Variants in TRIM16 observed in about 807,000 individuals in gnomAD.
TRIM16 encodes tripartite motif containing 16, also known as tripartite motif-containing protein 16.
TRIM16 carries 33 observed loss-of-function variants against 50.4 expected under a neutral mutation model. The ratio of observed to expected loss-of-function variants is 0.65; its 90% CI spans 0.50 to 0.88. TRIM16 has a LOEUF of 0.88. TRIM16 is among the 40% of genes least tolerant of loss of function. TRIM16 has a pLI of 0.00. For missense variants in TRIM16, 581 were observed against 686.8 expected, an observed-to-expected ratio of 0.85 and a Z score of 1.72; for synonymous variants, 229 against 270.7, an observed-to-expected ratio of 0.85 and a Z score of 1.51.
At chr17:15,637,104 C>T (rs535118102) in intron 8 of TRIM16, among the ~76,000 whole-genome samples, 6,708 of 113,264 alleles carry the variant, frequency 0.059, 617 homozygotes, top group African/African-American at 0.2. Flanking sequence ...CCACCCCGTC[C>T]GGGAGGGAGG....
rs1176126584 is a variant in TRIM16, at chr17:15,629,094, G to T, written c.1216C>A (p.Pro406Thr). The change falls in exon 12 of 12, where the codon CCG (proline) becomes ACG (threonine). Residue 406 changes from proline (P) to threonine (T), a missense_variant. Around this residue, in one of 3 missense-constraint regions of TRIM16, gnomAD observed 450 missense variants for 544.3 expected, o/e 0.83. Transcript: ENST00000649191. ...TNTTPWEHPY[P>T]DLPSRFLHWR... Reference sequence around the variant, plus strand: ...TGCAGGAACCTGCTGGGGAGGTCCGGGTAGGGATGCTCCCAGGGCGTGGTG... The same window carrying T: ...TGCAGGAACCTGCTGGGGAGGTCCGTGTAGGGATGCTCCCAGGGCGTGGTG... 3 of 1,613,952 alleles carry T rather than the reference G, an allele frequency of 1.9e-6. No homozygotes were observed. Among genetic ancestry groups the T allele is most frequent in the South Asian group, 1.1e-5 (1 of 91,072 alleles).
chr17:15,678,649 T>C (rs1989048617), intron 4 of TRIM16, among the ~76,000 whole-genome samples: 1 of 152,230 alleles, frequency 6.6e-6, no homozygotes, highest in Non-Finnish European at 1.5e-5. Flanking sequence ...CCCACTCACA[T>C]GGCTATGACA....
At chr17:15,675,288 AGCATC>A (rs1344183388) in intron 6 of TRIM16, among the ~76,000 whole-genome samples, 1 of 152,202 alleles carries the variant, frequency 6.6e-6, no homozygotes, top group Admixed American at 6.5e-5. Context: ...AATATAATAA[AGCATC>A]GCCACTGTAA....
Position 15,651,107 on chromosome 17 carries a change from G to T in TRIM16, c.503C>A (p.Ala168Asp), listed in dbSNP as rs1328537281. ...AGCACTCACCTCCTTGTCCCTGCGG[G>T]CTGCATCCAGGGAGACTATGGTGTG... ...SGHTIVSLDA[A>D]RRDKEAELQC... The change falls in exon 7 of 12, where the codon GCC becomes GAC. Residue 168 changes from alanine (A) to aspartate (D), a missense_variant. By Grantham distance (126) the Ala-to-Asp change is moderately radical (BLOSUM62 -2). Around this residue, in one of 3 missense-constraint regions of TRIM16, gnomAD observed 450 missense variants for 544.3 expected, o/e 0.83. Transcript: ENST00000649191. 1 of 1,610,754 alleles carries T rather than the reference G, an allele frequency of 6.2e-7. No homozygotes were observed. The highest frequency in any genetic ancestry group is 2.2e-5 in the East Asian group (1 of 44,812).
chr17:15,633,453 C>T (rs201517731), intron 9 of TRIM16, among the ~76,000 whole-genome samples: 2,090 of 129,490 alleles, frequency 0.016, 25 homozygotes, highest in Middle Eastern at 0.032. Flanking sequence ...ATAAGTTATT[C>T]GGATAAGTTA....
chr17:15,676,204 G>A (rs1477370522), intron 6 of TRIM16, among the ~76,000 whole-genome samples: 1 of 152,240 alleles, frequency 6.6e-6, no homozygotes, highest in Non-Finnish European at 1.5e-5. Context: ...CTCCACTCAC[G>A]AGATGCCCAT....
Position 15,677,595 on chromosome 17 carries a change from T to C in TRIM16, c.-463A>G. 9 of 1,052,852 alleles carry C rather than the reference T, an allele frequency of 8.5e-6. No homozygotes were observed. Among genetic ancestry groups the C allele is most frequent in the Non-Finnish European group, 1.0e-5 (9 of 862,944 alleles). 65.2% of individuals were successfully genotyped at this position (1,052,852 alleles called of 1,614,324 possible). A position where few individuals can be genotyped will look rare whatever the true frequency, so the allele number is the denominator to read the frequency against. On this transcript the variant is annotated 5_prime_UTR_variant, in exon 5 of 12. Coordinates refer to ENST00000649191, the MANE Select transcript of TRIM16 (RefSeq NM_001348119.1). ...CTCACCCAAGGAGACCAGGTTCCTATAGTTCTCCAGCATTACATCCCTGTA... is the reference window on the plus strand; with the variant it reads ...CTCACCCAAGGAGACCAGGTTCCTACAGTTCTCCAGCATTACATCCCTGTA...
intron 6 of TRIM16, among the ~76,000 whole-genome samples, chr17:15,663,760 C>T (rs1988350956): frequency 6.6e-6 from 1 of 152,178 alleles, no homozygotes; most frequent in Non-Finnish European, 1.5e-5. Flanking sequence ...GACCTTGTCC[C>T]TACCAGTCTC....
Position 15,683,111 on chromosome 17 carries a change from C to T in TRIM16, c.-852G>A. The T allele has an allele frequency of 6.4e-7, 1 of 1,550,574 alleles. No individual in the cohort carries two copies. The highest frequency in any genetic ancestry group is 8.7e-7 in the Non-Finnish European group (1 of 1,146,988). On this transcript the variant is annotated 5_prime_UTR_variant, in exon 2 of 12. Transcript: ENST00000649191. ...TCACTATTTGGGTGTAGCAACCTTT[C>T]CGTTCTCCACGTATCTTCCTGGAAA...
In TRIM16 at chr17:15,636,692, G is replaced by A. The variant is rs1485762374; in HGVS notation, c.616-423C>T. ...GCTTTCTTAGCATTTCATTATGCCC[G>A]GTTAAACTGACCACTGAGTCCATCA... On this transcript the variant is annotated intron_variant, in intron 8 of 11. Coordinates refer to ENST00000649191, the MANE Select transcript of TRIM16 (RefSeq NM_001348119.1). Among the ~76,000 whole-genome samples the A allele has an allele frequency of 6.4e-5, 9 of 140,892 alleles. 1 individual carries two copies. The highest frequency in any genetic ancestry group is 7.1e-5 in the Admixed American group (1 of 13,990). 92.4% of individuals were successfully genotyped at this position (140,892 alleles called of 152,430 possible).
chr17:15,656,611 G>C (rs993983970), intron 6 of TRIM16, among the ~76,000 whole-genome samples: 20 of 151,918 alleles, frequency 1.3e-4, no homozygotes, highest in African/African-American at 4.8e-4. Flanking sequence ...CCTCCTGGCT[G>C]TCTTCTACAG....
chr17:15,635,504 T>C (rs1480773043), intron 9 of TRIM16, among the ~76,000 whole-genome samples: 1 of 143,616 alleles, frequency 7.0e-6, no homozygotes, highest in Non-Finnish European at 1.5e-5. Flanking sequence ...CCTCAATTAC[T>C]CCAGCCACAG....
chr17:15,654,763 A>G (rs539869069), intron 6 of TRIM16, among the ~76,000 whole-genome samples: 29 of 152,272 alleles, frequency 1.9e-4, no homozygotes, highest in African/African-American at 6.7e-4. Context: ...CCCCCTGCAC[A>G]GATCTCCCCC....
intron 6 of TRIM16, among the ~76,000 whole-genome samples, chr17:15,674,731 C>G (rs546244571): frequency 3.3e-5 from 5 of 152,084 alleles, no homozygotes; most frequent in Admixed American, 6.6e-5. Flanking sequence ...CCCCAGAAAC[C>G]CTGTGTATGA....
Position 15,651,129 on chromosome 17 carries a change from T to C in TRIM16, c.481A>G (p.Thr161Ala), listed in dbSNP as rs1987674104. The C allele has an allele frequency of 1.2e-6, 2 of 1,613,864 alleles. No individual in the cohort carries two copies. The highest frequency in any genetic ancestry group is 1.3e-5 in the African/African-American group (1 of 75,026). Reference protein sequence around the residue: ...QDCCQEHSGHTIVSLDAARRD... With the variant: ...QDCCQEHSGHAIVSLDAARRD... The stretch of plus-strand genomic sequence containing the variant: ...CGGGCTGCATCCAGGGAGACTATGG[T>C]GTGGCCACTGTGCTCCTGGCAACAG... Residue 161 changes from threonine to alanine, a missense_variant, in exon 7 of 12, where the codon ACC (threonine) becomes GCC (alanine). This residue lies in a region of TRIM16 where 450 missense variants were observed against 544.3 expected (regional missense o/e 0.83). Transcript: ENST00000649191.
In TRIM16 at chr17:15,680,936, G is replaced by A. The variant is rs1474679564; in HGVS notation, c.-661C>T. 20 of 1,535,112 alleles carry A rather than the reference G, an allele frequency of 1.3e-5. No individual in the cohort carries two copies. Among genetic ancestry groups the A allele is most frequent in the Non-Finnish European group, 1.7e-5 (19 of 1,142,128 alleles). On this transcript the variant is annotated 5_prime_UTR_variant, in exon 4 of 12. Transcript: ENST00000649191. ...AGATACCCCTTTTGGGAAAGGGCAG[G>A]GTCCTCAGAGGGCAGAACTGGAAGG...
intron 4 of TRIM16, among the ~76,000 whole-genome samples, chr17:15,678,346 C>G (rs145868980): frequency 6.6e-6 from 1 of 152,124 alleles, no homozygotes; most frequent in Non-Finnish European, 1.5e-5. Context: ...AACAGTGCTA[C>G]GAGCTGCTAA....
chr17:15,648,225 C>CAAAAAA (rs542434481), intron 7 of TRIM16, among the ~76,000 whole-genome samples: 1 of 75,544 alleles, frequency 1.3e-5, no homozygotes, highest in African/African-American at 4.1e-5. Flanking sequence ...GACTCCGTCT[C>CAAAAAA]AAAAAAAAAA....
rs1205896242 is a variant in TRIM16 at position 15,643,049 on chromosome 17, G to A, written c.520-233C>T. The A allele has an allele frequency of 1.5e-5, 12 of 808,886 alleles. 1 individual carries two copies. Among genetic ancestry groups the A allele is most frequent in the African/African-American group, 1.4e-4 (4 of 29,062 alleles). 50.1% of individuals were successfully genotyped at this position (808,886 alleles called of 1,614,324 possible). ...ATACAGTGAGCACGGATGCCGTGCT[G>A]CTCACCATTTCAAGCATTTTGTGGA... On this transcript the variant is annotated intron_variant, in intron 7 of 11. Coordinates refer to ENST00000649191, the MANE Select transcript of TRIM16 (RefSeq NM_001348119.1).
Sources: gnomAD v4.1 joint callset for allele counts (sites outside exome capture counted in the v4.1 genomes callset) on GRCh38, gnomAD v4.1.1 for gene constraint, gnomAD v4.1.1 regional missense constraint, MANE v1.5 for transcripts, NCBI Gene and HGNC (gene_info 2026-07-23, HGNC 2026-07-21) for gene names.